MIER3: variants seen among roughly 807,000 people sequenced by gnomAD.
MIER3 encodes the protein mesoderm induction early response protein 3.
A neutral mutation model predicts 63.2 loss-of-function variants in MIER3; 9 were observed. That is an observed-to-expected ratio of 0.14 (90% confidence interval 0.09 to 0.25). The LOEUF (loss-of-function observed/expected upper bound fraction) is 0.25. Among genes scored for constraint, MIER3 ranks in the 10% least tolerant of loss-of-function variants. The pLI, the probability that MIER3 is intolerant of heterozygous loss-of-function variation, is 1.00. For synonymous variants in MIER3, 205 were observed against 224.9 expected (o/e 0.91, Z 0.79); for missense variants, 512 against 666.2 (o/e 0.77, Z 2.55).
rs1321510330 is a variant in MIER3, at chr5:56,922,534, T to C, written c.*594A>G. ...GTTTTGTAAACTGAAGTGCTCTAGT[T>C]GAATAACATGAGAGAAGTTTCCATT... On this transcript the variant is annotated 3_prime_UTR_variant, in exon 13 of 13. Coordinates refer to ENST00000381199, the MANE Select transcript of MIER3 (RefSeq NM_001297599.2). 1 of 153,366 alleles carries C rather than the reference T, an allele frequency of 6.5e-6. No homozygotes were observed. Among genetic ancestry groups the C allele is most frequent in the East Asian group, 1.9e-4 (1 of 5,200 alleles). The allele number at this position is 153,366 out of a possible 1,614,324, so 9.5% of individuals were successfully genotyped here. A position where few individuals can be genotyped will look rare whatever the true frequency, so the allele number is the denominator to read the frequency against.
chr5:56,937,149 G>A (rs114843997), intron 5 of MIER3, among the ~76,000 whole-genome samples: 2,667 of 151,992 alleles, frequency 0.018, 83 homozygotes, highest in African/African-American at 0.062. Context: ...ATCTCCAGCT[G>A]GCTGCAACCT....
Position 56,935,479 on chromosome 5 carries a change from A to G in MIER3, c.544T>C (p.Tyr182His), listed in dbSNP as rs1017399773. The G allele has an allele frequency of 3.8e-6, 6 of 1,593,696 alleles. No homozygotes were observed. Among genetic ancestry groups the G allele is most frequent in the East Asian group, 4.5e-5 (2 of 44,784 alleles). ...AGATAAGGGGGAATCTCTGCCTGAT[A>G]TTGTAAACCAATCATTATTTCCTAC... ...LRKEIMIGLQ[Y>H]QAEIPPYLGE... Residue 182 changes from tyrosine (Y) to histidine (H), a missense_variant, in exon 7 of 13, where the codon TAT becomes CAT. Around this residue, in one of 5 missense-constraint regions of MIER3, gnomAD observed 118 missense variants for 133.6 expected, o/e 0.88. Transcript: ENST00000381199.
intron 1 of MIER3, among the ~76,000 whole-genome samples, chr5:56,951,553 G>A (rs1230585344): frequency 1.3e-5 from 2 of 152,164 alleles, no homozygotes; most frequent in East Asian, 1.9e-4. Flanking sequence ...CGGTGGCCCC[G>A]CATCCCGCTC....
chr5:56,945,471 A>G (rs1750796178), intron 3 of MIER3, among the ~76,000 whole-genome samples: 1 of 152,226 alleles, frequency 6.6e-6, no homozygotes, highest in African/African-American at 2.4e-5. Flanking sequence ...TCAAAAAAAA[A>G]AAGTTCTACC....
At chr5:56,936,485 C>G (rs1750451272) in intron 5 of MIER3, among the ~76,000 whole-genome samples, 1 of 151,888 alleles carries the variant, frequency 6.6e-6, no homozygotes. Context: ...GAGATTGCAT[C>G]TAAGAAATTA....
At chr5:56,924,242 G>A (rs536178913) in intron 10 of MIER3, among the ~76,000 whole-genome samples, 200 bp from the exon 11 acceptor site, 3 of 151,044 alleles carry the variant, frequency 2.0e-5, no homozygotes, top group African/African-American at 4.8e-5. Context: ...GGCCATTTTC[G>A]AAAGCCCAAG....
At chr5:56,950,044 A>G (rs902417172) in intron 2 of MIER3, among the ~76,000 whole-genome samples, 3 of 152,368 alleles carry the variant, frequency 2.0e-5, no homozygotes, top group South Asian at 4.1e-4. Flanking sequence ...AGGAAAGTTA[A>G]GAAACACTGT....
At chr5:56,925,359 T>G (rs1749913756) in intron 10 of MIER3, 2 of 453,892 alleles carry the variant, frequency 4.4e-6, no homozygotes, top group African/African-American at 4.0e-5. Context: ...CGTAGAAAAC[T>G]CCAAAGAATC....
chr5:56,949,071 A>G (rs1008447398), intron 2 of MIER3, among the ~76,000 whole-genome samples: 2 of 152,094 alleles, frequency 1.3e-5, no homozygotes, highest in African/African-American at 4.8e-5. Flanking sequence ...TCCAACTCTA[A>G]AATTCTCTTT....
intron 7 of MIER3, among the ~76,000 whole-genome samples, chr5:56,934,408 A>G (rs9292127): frequency 6.6e-6 from 1 of 152,210 alleles, no homozygotes; most frequent in Non-Finnish European, 1.5e-5. Flanking sequence ...TTCCCTCAAA[A>G]GACAGAGAAA....
chr5:56,948,608 G>T (rs1249756145), intron 2 of MIER3, among the ~76,000 whole-genome samples: 1 of 152,082 alleles, frequency 6.6e-6, no homozygotes, highest in Non-Finnish European at 1.5e-5. Flanking sequence ...GGTCGAGGCT[G>T]TAGTGAGCCA....
At chr5:56,936,162 A>C (rs1284617180) in intron 5 of MIER3, among the ~76,000 whole-genome samples, 8 of 152,142 alleles carry the variant, frequency 5.3e-5, no homozygotes, top group Non-Finnish European at 1.2e-4. Flanking sequence ...GGTGGCAGTA[A>C]GCCAAGATCA....
intron 12 of MIER3, 27 bp downstream of exon 12, chr5:56,923,664 C>T (rs572051554): frequency 6.2e-7 from 1 of 1,614,102 alleles, no homozygotes; most frequent in South Asian, 1.1e-5. Flanking sequence ...ACAAACTGTA[C>T]TAAATGCAGA....
intron 3 of MIER3, among the ~76,000 whole-genome samples, chr5:56,945,725 T>C (rs1475897573): frequency 6.6e-6 from 1 of 152,120 alleles, no homozygotes; most frequent in Non-Finnish European, 1.5e-5. Flanking sequence ...CACAACTGAG[T>C]TTATTTACTA....
chr5:56,951,987 T>G, intron 1 of MIER3, 107 bp downstream of exon 1: 1 of 940,926 alleles, frequency 1.1e-6, no homozygotes, highest in Non-Finnish European at 1.3e-6. Context: ...CCGCCCCTCA[T>G]GGGGCAGCGG....
rs771010963 is a variant in MIER3, at chr5:56,923,935, A to G, written c.1032T>C (p.Tyr344=). 80 of 1,614,018 alleles carry G rather than the reference A, an allele frequency of 5.0e-5. No homozygotes were observed. Among genetic ancestry groups the G allele is most frequent in the Non-Finnish European group, 5.9e-5 (70 of 1,180,008 alleles). Residue 344 remains tyrosine (Y), a synonymous_variant, in exon 11 of 13, where the codon TAT becomes TAC. Coordinates refer to ENST00000381199, the MANE Select transcript of MIER3 (RefSeq NM_001297599.2). The part of the protein sequence containing the change: ...AQQTRFGKKR[Y]NHHPGVTDYM... ...CTTACGTAACTCCAGGGTGATGGTT[A>G]TATCTTTTTTTCCCAAATCTTGTCT...
intron 8 of MIER3, among the ~76,000 whole-genome samples, chr5:56,931,305 AGAATTCAATT>A (rs1322227096): frequency 6.6e-6 from 1 of 152,228 alleles, no homozygotes; most frequent in Non-Finnish European, 1.5e-5. Context: ...CAGGAATAAC[AGAATTCAATT>A]GAAAGTTAAA....
chr5:56,945,318 C>T (rs971864474), intron 3 of MIER3, among the ~76,000 whole-genome samples: 1 of 152,090 alleles, frequency 6.6e-6, no homozygotes, highest in African/African-American at 2.4e-5. Context: ...CAAAAAGTAG[C>T]CAGGTGTGGT....
intron 3 of MIER3, among the ~76,000 whole-genome samples, chr5:56,942,212 C>T (rs920037470): frequency 1.3e-5 from 2 of 152,022 alleles, no homozygotes; most frequent in African/African-American, 2.4e-5. Context: ...AGCTCACCCA[C>T]GGAGAGGGTA....
Sources: gnomAD v4.1 joint callset for allele counts (sites outside exome capture counted in the v4.1 genomes callset) on GRCh38, gnomAD v4.1.1 for gene constraint, gnomAD v4.1.1 regional missense constraint, MANE v1.5 for transcripts, NCBI Gene and HGNC (gene_info 2026-07-23, HGNC 2026-07-21) for gene names.